TYRO3: variants seen among roughly 807,000 people sequenced by gnomAD.
TYRO3 encodes the protein TYRO3 protein tyrosine kinase, also known as tyrosine-protein kinase receptor TYRO3.
TYRO3 carries 38 observed loss-of-function variants against 95.2 expected under a neutral mutation model. That is an observed-to-expected ratio of 0.40 (90% CI 0.31 to 0.52). TYRO3 has a LOEUF of 0.52. TYRO3 is among the 20% of genes least tolerant of loss of function. The probability of loss-of-function intolerance (pLI) is 0.56; values close to 1 mark genes in which losing one functional copy is unlikely to be tolerated. For synonymous variants in TYRO3, 367 were observed against 432.9 expected, an observed-to-expected ratio of 0.85 and a Z score of 1.89; for missense variants, 812 against 1,116.4, an observed-to-expected ratio of 0.73 and a Z score of 3.89.
intron 18 of TYRO3, among the ~76,000 whole-genome samples, chr15:41,576,345 C>T (rs1298388138): frequency 6.6e-6 from 1 of 151,372 alleles, no homozygotes; most frequent in Admixed American, 6.6e-5. Flanking sequence ...AGGCATGCAC[C>T]ACCCTGCCCA....
rs192647036 is a variant in TYRO3 at position 41,560,808 on chromosome 15, C to T, written c.125-319C>T. Among the ~76,000 whole-genome samples the T allele has an allele frequency of 2.0e-5, 3 of 150,842 alleles. No homozygotes were observed. In the East Asian group the frequency reaches 5.8e-4, roughly 29 times the overall value. On this transcript the variant is annotated intron_variant, in intron 1 of 18. Transcript: ENST00000263798. Reference sequence around the variant, plus strand: ...CACTAGTTGGGTGCAGCAGTCATTCCTAGAGCAGTGCCTGCCCCAGTAGGG... The same window carrying T: ...CACTAGTTGGGTGCAGCAGTCATTCTTAGAGCAGTGCCTGCCCCAGTAGGG...
In TYRO3 at chr15:41,568,422, G is replaced by A. The variant is rs2055752486; in HGVS notation, c.1107+60G>A. On this transcript the variant is annotated intron_variant, in intron 8 of 18. Transcript: ENST00000263798. Reference sequence around the variant, plus strand: ...GGAGTATAAGCCTTCAGGGTTCTAAGGCCTTTAAGAATTTCAAAATGATTG... The same window carrying A: ...GGAGTATAAGCCTTCAGGGTTCTAAAGCCTTTAAGAATTTCAAAATGATTG... 7 of 1,519,212 alleles carry A rather than the reference G, an allele frequency of 4.6e-6. No individual in the cohort carries two copies. In the South Asian group the frequency reaches 8.8e-5, roughly 19 times the overall value. 94.1% of individuals were successfully genotyped at this position (1,519,212 alleles called of 1,614,324 possible). A position where few individuals can be genotyped will look rare whatever the true frequency, so the allele number is the denominator to read the frequency against.
intron 17 of TYRO3, 103 bp downstream of exon 17, chr15:41,573,570 C>G: frequency 6.6e-7 from 1 of 1,503,782 alleles, no homozygotes; most frequent in South Asian, 1.2e-5. Context: ...TTTGGTTGCC[C>G]CCTGATGAGG....
chr15:41,574,191 AC>A (rs572116432), intron 18 of TYRO3, among the ~76,000 whole-genome samples: 1 of 151,734 alleles, frequency 6.6e-6, no homozygotes, highest in South Asian at 2.1e-4. Flanking sequence ...TATTTGTTCT[AC>A]CCTAGTGAAT....
intron 6 of TYRO3, among the ~76,000 whole-genome samples, chr15:41,565,972 G>A (rs1257541916): frequency 6.6e-6 from 1 of 152,090 alleles, no homozygotes; most frequent in Non-Finnish European, 1.5e-5. Context: ...GTTCTGGGCA[G>A]TTCCCCTGGG....
rs1473833192 is a variant in TYRO3, at chr15:41,562,737, G to A, written c.580+19G>A. 3 of 1,581,586 alleles carry A rather than the reference G, an allele frequency of 1.9e-6. No individual in the cohort carries two copies. The highest frequency in any genetic ancestry group is 1.8e-5 in the Admixed American group (1 of 56,708). On this transcript the variant is annotated intron_variant, in intron 4 of 18. Transcript: ENST00000263798. The stretch of plus-strand genomic sequence containing the variant: ...GTAACAGGTGAGCAGCCTCAGAAGG[G>A]GGCTGGGAGTGGAGAAGGAGCTGGG...
rs1566896786 is a variant in TYRO3 at position 41,559,326 on chromosome 15, C to T, written c.69C>T (p.Leu23=). Residue 23 remains leucine, a synonymous_variant, in exon 1 of 19, where the codon CTC becomes CTT. Transcript: ENST00000263798. The stretch of plus-strand genomic sequence containing the variant: ...TGCCGCTGCCGCCGCCACCGCGGCT[C>T]GGGCTGCTGCTGGCGGCTCTGGCTT... The part of the protein sequence containing the change: ...PPLPLPPPPR[L]GLLLAALASL... The T allele has an allele frequency of 2.4e-6, 1 of 412,314 alleles. No individual in the cohort carries two copies. The highest frequency in any genetic ancestry group is 4.0e-6 in the Non-Finnish European group (1 of 249,294). 25.5% of individuals were successfully genotyped at this position (412,314 alleles called of 1,614,324 possible).
chr15:41,561,798 C>G, intron 3 of TYRO3, 159 bp downstream of exon 3: 1 of 536,252 alleles, frequency 1.9e-6, no homozygotes, highest in East Asian at 3.6e-5. Context: ...TGTCGGAAGA[C>G]CCTACCAGTT....
chr15:41,560,525 A>G (rs1209456594), intron 1 of TYRO3, among the ~76,000 whole-genome samples: 1 of 151,584 alleles, frequency 6.6e-6, no homozygotes, highest in Non-Finnish European at 1.5e-5. Flanking sequence ...TCAGGGCCCC[A>G]GCCCTCCCTT....
Position 41,568,870 on chromosome 15 carries a change from G to C in TYRO3, c.1108-8G>C. ...TCACTATGGGGTGGGGGCTTTTCCT[G>C]GCTGCAGGATGAGCTGACAGTGGAG... On this transcript the variant is annotated splice_region_variant and splice_polypyrimidine_tract_variant and intron_variant, in intron 8 of 18. Coordinates refer to ENST00000263798, the MANE Select transcript of TYRO3 (RefSeq NM_006293.4). 6.2e-7 allele frequency: 1 copy of C among 1,610,564 alleles called. No individual in the cohort carries two copies. The highest frequency in any genetic ancestry group is 2.2e-5 in the East Asian group (1 of 44,846).
intron 18 of TYRO3, chr15:41,574,658 T>C: frequency 2.2e-6 from 1 of 456,064 alleles, no homozygotes; most frequent in Non-Finnish European, 4.4e-6. Context: ...TGTTCTAGTC[T>C]TACACTCCCA....
chr15:41,559,580 T>C (rs1377764383), intron 1 of TYRO3, among the ~76,000 whole-genome samples, 199 bp downstream of exon 1: 5 of 152,148 alleles, frequency 3.3e-5, no homozygotes, highest in Non-Finnish European at 5.9e-5. Flanking sequence ...CCCAACTTTC[T>C]GGCGCTCGGG....
At position 41,572,991 on chromosome 15, in the gene TYRO3, C is replaced by G. The variant is rs369424195; in HGVS notation, c.1876-11C>G. ...CAGGTTAAGCCTGAGCTTGGCCTGTCTGTCCACTAGAACCTACCCCTCCAG... is the reference window on the plus strand; with the variant it reads ...CAGGTTAAGCCTGAGCTTGGCCTGTGTGTCCACTAGAACCTACCCCTCCAG... On this transcript the variant is annotated splice_polypyrimidine_tract_variant and intron_variant, in intron 15 of 18. Transcript: ENST00000263798. 799 of 937,588 alleles carry G rather than the reference C, an allele frequency of 8.5e-4. 1 individual carries two copies. The highest frequency in any genetic ancestry group is 1.2e-3 in the Non-Finnish European group (736 of 621,094). 58.1% of individuals were successfully genotyped at this position (937,588 alleles called of 1,614,324 possible).
intron 15 of TYRO3, 66 bp from the exon 16 acceptor site, chr15:41,572,936 C>A: frequency 7.7e-7 from 1 of 1,295,020 alleles, no homozygotes; most frequent in Non-Finnish European, 1.1e-6. Context: ...TGGCCAGGGA[C>A]CCCCATCCAT....
In TYRO3 at chr15:41,570,138, G is replaced by A. The variant is rs752804702; in HGVS notation, c.1364G>A (p.Arg455Gln). The A allele has an allele frequency of 8.1e-6, 13 of 1,614,196 alleles. No individual in the cohort carries two copies. Among genetic ancestry groups the A allele is most frequent in the Admixed American group, 5.0e-5 (3 of 60,030 alleles). The change falls in exon 10 of 19, where the codon CGG becomes CAG. Residue 455 changes from arginine to glutamine, a missense_variant. Physicochemically the swap from Arg to Gln is conservative, Grantham distance 43. Coordinates refer to ENST00000263798, the MANE Select transcript of TYRO3 (RefSeq NM_006293.4). ...ALALILLRKR[R>Q]KETRFGQAFD... The stretch of plus-strand genomic sequence containing the variant: ...GCCCTCATCCTGCTTCGAAAGAGAC[G>A]GAAAGAGACGCGGTTTGGGTAAGGG...
At chr15:41,564,369 G>A (rs2055695586) in intron 5 of TYRO3, 99 bp downstream of exon 5, 1 of 1,203,460 alleles carries the variant, frequency 8.3e-7, no homozygotes, top group Admixed American at 1.8e-5. Context: ...CTCCCCTTGT[G>A]GTCCTGCTGG....
At chr15:41,565,422 T>C (rs150579910) in intron 6 of TYRO3, among the ~76,000 whole-genome samples, 328 of 152,120 alleles carry the variant, frequency 2.2e-3, no homozygotes, top group Middle Eastern at 0.01. Context: ...TCTTTCTTTT[T>C]TTTTTTGAGA....
At chr15:41,565,502 G>A (rs187646597) in intron 6 of TYRO3, among the ~76,000 whole-genome samples, 1 of 151,678 alleles carries the variant, frequency 6.6e-6, no homozygotes, top group Non-Finnish European at 1.5e-5. Flanking sequence ...TCCACCTCCT[G>A]GGTTCAAGTG....
chr15:41,571,038 G>A lies in TYRO3; in HGVS notation c.1580G>A (p.Gly527Glu). The change falls in exon 13 of 19, where the codon GGA becomes GAA. Residue 527 changes from glycine (G) to glutamate (E), a missense_variant and splice_region_variant. Coordinates refer to ENST00000263798, the MANE Select transcript of TYRO3 (RefSeq NM_006293.4). ...QFTLGRMLGK[G>E]EFGSVREAQL... is the part of the protein sequence containing the mutation. ...CTCCCTTACTTGGATTGGTTCCTAG[G>A]AGAGTTTGGTTCAGTGCGGGAGGCC... is the stretch of plus-strand genomic sequence containing the variant. The A allele has an allele frequency of 1.2e-6, 2 of 1,614,044 alleles. No homozygotes were observed. Among genetic ancestry groups the A allele is most frequent in the Non-Finnish European group, 1.7e-6 (2 of 1,179,968 alleles).
Sources: allele counts gnomAD v4.1 joint callset (sites outside exome capture counted in the v4.1 genomes callset), GRCh38; gene constraint gnomAD v4.1.1; transcripts MANE v1.5; gene names NCBI Gene and HGNC (gene_info 2026-07-23, HGNC 2026-07-21).